Variants in AASS observed in about 807,000 individuals in gnomAD.
The protein encoded by AASS is alpha-aminoadipic semialdehyde synthase, mitochondrial.
In AASS, 86 loss-of-function variants were observed where a neutral mutation model predicts 105.4. The ratio of observed to expected loss-of-function variants is 0.82; its 90% CI spans 0.69 to 0.98. The LOEUF (loss-of-function observed/expected upper bound fraction) is 0.98, where lower values mean the gene tolerates loss of function less well. Among genes scored for constraint, AASS ranks in the 50% least tolerant of loss-of-function variants. The probability of loss-of-function intolerance (pLI) is 0.00; values close to 1 mark genes in which losing one functional copy is unlikely to be tolerated. For synonymous variants in AASS, 381 were observed against 394.8 expected (o/e 0.96, Z 0.41); for missense variants, 1,048 against 1,143.2 (o/e 0.92, Z 1.20).
intron 11 of AASS, among the ~76,000 whole-genome samples, chr7:122,109,008 A>G: frequency 6.6e-6 from 1 of 152,086 alleles, no homozygotes; most frequent in Non-Finnish European, 1.5e-5. Flanking sequence ...TCTATATGCC[A>G]ACTGTGAACA....
chr7:122,081,167 A>G (rs1793300883), intron 20 of AASS, among the ~76,000 whole-genome samples: 1 of 152,224 alleles, frequency 6.6e-6, no homozygotes, highest in African/African-American at 2.4e-5. Context: ...ACTTTCAGGA[A>G]GTCCAAGTGA....
At chr7:122,077,160 A>T (rs1460183385) in intron 23 of AASS, among the ~76,000 whole-genome samples, 1 of 150,584 alleles carries the variant, frequency 6.6e-6, no homozygotes, top group African/African-American at 2.4e-5. Flanking sequence ...GCTACTATAC[A>T]TTTTTTTTTC....
Position 122,092,854 on chromosome 7 carries a change from C to A in AASS, c.1864G>T (p.Val622Leu), listed in dbSNP as rs1323309632. 1 of 1,613,766 alleles carries A rather than the reference C, an allele frequency of 6.2e-7. No individual in the cohort carries two copies. Among genetic ancestry groups the A allele is most frequent in the Non-Finnish European group, 8.5e-7 (1 of 1,179,846 alleles). The change falls in exon 17 of 24, where the codon GTG becomes TTG. Residue 622 changes from valine to leucine, a missense_variant. Val to Leu is a conservative substitution (Grantham distance 32). Transcript: ENST00000417368. ...AMETIDKAKEVGATIESYISY... is the reference protein window; with the variant it reads ...AMETIDKAKELGATIESYISY... The stretch of plus-strand genomic sequence containing the variant: ...CAAATTGGGCTCACCGTGGCTCCCA[C>A]TTCCTTGGCTTTATCTATTGTTTCC...
At chr7:122,081,269 G>A (rs967988005) in intron 20 of AASS, among the ~76,000 whole-genome samples, 4 of 152,174 alleles carry the variant, frequency 2.6e-5, no homozygotes, top group African/African-American at 9.7e-5. Flanking sequence ...TCAAGGAGCA[G>A]TCAAATGGTA....
At chr7:122,106,854 A>G (rs951362695) in intron 11 of AASS, among the ~76,000 whole-genome samples, 2 of 152,164 alleles carry the variant, frequency 1.3e-5, no homozygotes, top group Non-Finnish European at 2.9e-5. Flanking sequence ...GGGAACTAGC[A>G]AAGATTTCAT....
At chr7:122,129,331 TAATA>T in intron 3 of AASS, 26 bp downstream of exon 3, 1 of 1,405,834 alleles carries the variant, frequency 7.1e-7, no homozygotes. Context: ...TTTTCTACAT[TAATA>T]TTTATAAATA....
intron 11 of AASS, among the ~76,000 whole-genome samples, chr7:122,111,245 G>A (rs1180001288): frequency 5.9e-5 from 9 of 152,010 alleles, no homozygotes. Context: ...GAAACTCTCT[G>A]CAGAAAAAGA....
Position 122,101,454 on chromosome 7 carries a change from AC to A in AASS, c.1339-17del. The A allele has an allele frequency of 6.3e-7, 1 of 1,592,536 alleles. No individual in the cohort carries two copies. The highest frequency in any genetic ancestry group is 8.6e-7 in the Non-Finnish European group (1 of 1,161,058). On this transcript the variant is annotated splice_polypyrimidine_tract_variant and intron_variant, in intron 12 of 23. Transcript: ENST00000417368. ...TAATCACTGCCTAAATGTATATGAC[AC>A]AAGACATTTCTTTAGTATCCACATT... is the stretch of plus-strand genomic sequence containing the variant.
Position 122,113,161 on chromosome 7 carries a change from G to A in AASS, c.1235C>T (p.Thr412Ile). ...GTAAAGCATGTCTCCAAAGCATTCTGTAGCTTCAATTGGGAGCTGTGCCGG... is the reference window on the plus strand; with the variant it reads ...GTAAAGCATGTCTCCAAAGCATTCTATAGCTTCAATTGGGAGCTGTGCCGG... ...NLPAQLPIEA[T>I]ECFGDMLYPY... The change falls in exon 11 of 24, where the codon ACA becomes ATA. Residue 412 changes from threonine to isoleucine, a missense_variant. Thr to Ile is a moderately conservative substitution (Grantham distance 89, BLOSUM62 -1). Transcript: ENST00000417368. 1 of 1,614,002 alleles carries A rather than the reference G, an allele frequency of 6.2e-7. No individual in the cohort carries two copies. Among genetic ancestry groups the A allele is most frequent in the Non-Finnish European group, 8.5e-7 (1 of 1,179,938 alleles).
intron 4 of AASS, among the ~76,000 whole-genome samples, chr7:122,125,498 A>G (rs1006371231): frequency 3.9e-5 from 6 of 152,220 alleles, no homozygotes; most frequent in Non-Finnish European, 8.8e-5. Flanking sequence ...AGGGTCATTT[A>G]TAACCTGACA....
chr7:122,100,114 A>G (rs1430309875), intron 13 of AASS, among the ~76,000 whole-genome samples: 1 of 151,842 alleles, frequency 6.6e-6, no homozygotes, highest in African/African-American at 2.4e-5. Context: ...TATAAAGTAA[A>G]TTTCCTTTCA....
intron 23 of AASS, 67 bp downstream of exon 23, chr7:122,077,771 T>C: frequency 6.4e-7 from 1 of 1,569,996 alleles, no homozygotes; most frequent in African/African-American, 1.3e-5. Flanking sequence ...AATTACTTGA[T>C]GTCCAGGCAC....
At chr7:122,113,316 CTTCA>C (rs1174621998) in intron 10 of AASS, 87 bp from the exon 11 acceptor site, 4 of 1,211,298 alleles carry the variant, frequency 3.3e-6, no homozygotes, top group African/African-American at 3.0e-5. Context: ...ACTATATTTG[CTTCA>C]TTATCATTTG....
intron 18 of AASS, among the ~76,000 whole-genome samples, chr7:122,089,331 T>C (rs1300553706): frequency 6.6e-6 from 1 of 152,104 alleles, no homozygotes; most frequent in African/African-American, 2.4e-5. Context: ...GAACAGAGGC[T>C]GGAGTGGTCA....
intron 2 of AASS, among the ~76,000 whole-genome samples, chr7:122,132,302 G>C (rs1250770868): frequency 6.6e-6 from 1 of 152,156 alleles, no homozygotes; most frequent in Non-Finnish European, 1.5e-5. Flanking sequence ...AGGAGTGGAA[G>C]AGAAAGAAAA....
In AASS at chr7:122,078,022, CAAATAAAGAT is replaced by C. The variant is rs777448610; in HGVS notation, c.2486-18_2486-9del. The C allele has an allele frequency of 1.2e-5, 19 of 1,612,652 alleles. No homozygotes were observed. In the African/African-American group the frequency reaches 2.4e-4, roughly 20 times the overall value. ...TATCTTTTTCTTCAGGACCTTAAAACAAATAAAGATAAGTAAAAATACCACTATCATTACA... is the reference window on the plus strand; with the variant it reads ...TATCTTTTTCTTCAGGACCTTAAAACAAGTAAAAATACCACTATCATTACA... On this transcript the variant is annotated splice_polypyrimidine_tract_variant and intron_variant, in intron 22 of 23. Coordinates refer to ENST00000417368, the MANE Select transcript of AASS (RefSeq NM_005763.4).
At position 122,078,873 on chromosome 7, in the gene AASS, T is replaced by C. The variant is rs1302112991; in HGVS notation, c.2474A>G (p.Lys825Arg). ...LDALSKHLVMKLSYGPEEKDM... is the reference protein window; with the variant it reads ...LDALSKHLVMRLSYGPEEKDM... ...ACTTCATGGCCTACCATAGGAAAGC[T>C]TCATGACCAAATGCTTGGAGAGGGC... Residue 825 changes from lysine to arginine, a missense_variant, in exon 22 of 24, where the codon AAG becomes AGG. Transcript: ENST00000417368. 1 of 1,613,896 alleles carries C rather than the reference T, an allele frequency of 6.2e-7. No homozygotes were observed. The highest frequency in any genetic ancestry group is 8.5e-7 in the Non-Finnish European group (1 of 1,179,952).
At chr7:122,113,429 A>G (rs1795023376) in intron 10 of AASS, among the ~76,000 whole-genome samples, 169 bp downstream of exon 10, 1 of 152,176 alleles carries the variant, frequency 6.6e-6, no homozygotes, top group East Asian at 1.9e-4. Flanking sequence ...ATATTTGTGT[A>G]TGTGTGTGTG....
chr7:122,091,676 T>C, intron 18 of AASS, 27 bp downstream of exon 18: 2 of 1,613,220 alleles, frequency 1.2e-6, no homozygotes, highest in Non-Finnish European at 1.7e-6. Context: ...CAGGTTGATA[T>C]CACTATGCTT....
Sources: gnomAD v4.1 joint callset for allele counts (sites outside exome capture counted in the v4.1 genomes callset) on GRCh38, gnomAD v4.1.1 for gene constraint, MANE v1.5 for transcripts, NCBI Gene and HGNC (gene_info 2026-07-23, HGNC 2026-07-21) for gene names.